Variants in LRRC8D observed in about 807,000 individuals in gnomAD.
LRRC8D encodes the protein leucine rich repeat containing 8 VRAC subunit D.
In LRRC8D, 20 loss-of-function variants were observed where a neutral mutation model predicts 55.8. The observed-to-expected ratio is 0.36, with a 90% confidence interval of 0.25 to 0.52. The LOEUF (loss-of-function observed/expected upper bound fraction) is 0.52, where lower values mean the gene tolerates loss of function less well. Ranked by LOEUF, LRRC8D falls within the 20% of genes least tolerant of loss-of-function variation. The pLI is 0.93. For synonymous variants in LRRC8D, 352 were observed against 377.0 expected (o/e 0.93, Z 0.77); for missense variants, 651 against 1,030.8 (o/e 0.63, Z 5.05).
intron 2 of LRRC8D, among the ~76,000 whole-genome samples, chr1:89,903,344 G>C (rs922368725): frequency 6.6e-6 from 1 of 152,186 alleles, no homozygotes; most frequent in African/African-American, 2.4e-5. Flanking sequence ...TTTAGAAAAT[G>C]CTTCACCTTT....
At chr1:89,886,092 T>C (rs1363295115) in intron 2 of LRRC8D, among the ~76,000 whole-genome samples, 1 of 152,220 alleles carries the variant, frequency 6.6e-6, no homozygotes, top group Non-Finnish European at 1.5e-5. Flanking sequence ...GGAGAATCTG[T>C]TCCATATTAT....
At chr1:89,823,225 T>C (rs901268936) in intron 1 of LRRC8D, among the ~76,000 whole-genome samples, 1 of 152,212 alleles carries the variant, frequency 6.6e-6, no homozygotes, top group African/African-American at 2.4e-5. Flanking sequence ...TGGAGTAGCA[T>C]ATGATGCAAC....
chr1:89,899,704 G>C (rs890173134), intron 2 of LRRC8D, among the ~76,000 whole-genome samples: 1 of 152,194 alleles, frequency 6.6e-6, no homozygotes, highest in African/African-American at 2.4e-5. Context: ...TTTCAGATTT[G>C]TCTTCTATGT....
intron 2 of LRRC8D, among the ~76,000 whole-genome samples, chr1:89,868,561 T>C (rs1415660628): frequency 6.6e-6 from 1 of 152,134 alleles, no homozygotes; most frequent in Non-Finnish European, 1.5e-5. Context: ...CATCAATTTT[T>C]TACAATAATA....
At chr1:89,851,407 C>A (rs1008215301) in intron 2 of LRRC8D, among the ~76,000 whole-genome samples, 1 of 152,172 alleles carries the variant, frequency 6.6e-6, no homozygotes, top group Non-Finnish European at 1.5e-5. Context: ...TTATTCTTCC[C>A]CGTCTGCAAT....
chr1:89,900,850 A>G (rs1662830873), intron 2 of LRRC8D, among the ~76,000 whole-genome samples: 1 of 152,162 alleles, frequency 6.6e-6, no homozygotes, highest in South Asian at 2.1e-4. Context: ...TTCCTTCACA[A>G]CTGTACCATC....
chr1:89,889,239 G>T (rs1043262914), intron 2 of LRRC8D, among the ~76,000 whole-genome samples: 6 of 152,080 alleles, frequency 3.9e-5, no homozygotes, highest in African/African-American at 1.4e-4. Flanking sequence ...AATTCCAGTT[G>T]GTGGTCATTC....
At chr1:89,896,990 T>A (rs1356274213) in intron 2 of LRRC8D, among the ~76,000 whole-genome samples, 1 of 152,168 alleles carries the variant, frequency 6.6e-6, no homozygotes, top group Non-Finnish European at 1.5e-5. Flanking sequence ...TTTTTGCAGA[T>A]GGGGGTGCTG....
At chr1:89,827,080 G>A (rs1292427511) in intron 1 of LRRC8D, among the ~76,000 whole-genome samples, 1 of 152,168 alleles carries the variant, frequency 6.6e-6, no homozygotes, top group Admixed American at 6.5e-5. Flanking sequence ...GCTGGGCATG[G>A]TGGCTCAGGC....
intron 1 of LRRC8D, among the ~76,000 whole-genome samples, chr1:89,838,730 A>G (rs753654844): frequency 1.2e-4 from 18 of 152,214 alleles, no homozygotes; most frequent in Non-Finnish European, 2.1e-4. Flanking sequence ...TTTGCATACT[A>G]ATTGAAGAAT....
At chr1:89,847,114 AGTTT>A (rs1661301294) in intron 2 of LRRC8D, among the ~76,000 whole-genome samples, 1 of 152,180 alleles carries the variant, frequency 6.6e-6, no homozygotes, top group Admixed American at 6.5e-5. Context: ...GATGCAAGTA[AGTTT>A]ATTTCCTTAT....
chr1:89,865,664 T>C (rs191284421), intron 2 of LRRC8D, among the ~76,000 whole-genome samples: 102 of 152,298 alleles, frequency 6.7e-4, no homozygotes, highest in Middle Eastern at 3.4e-3. Context: ...TCAGAACTTA[T>C]CAGATCGTAA....
intron 1 of LRRC8D, among the ~76,000 whole-genome samples, chr1:89,840,328 G>A (rs1661102538): frequency 6.6e-6 from 1 of 152,228 alleles, no homozygotes. Context: ...GGGAAAGTAT[G>A]AGATGGTGTT....
intron 2 of LRRC8D, among the ~76,000 whole-genome samples, chr1:89,923,572 GA>G (rs1161060132): frequency 6.6e-6 from 1 of 151,502 alleles, no homozygotes; most frequent in East Asian, 1.9e-4. Context: ...CACAGAATTA[GA>G]AAAAAACGAT....
At chr1:89,919,686 T>C (rs1663364459) in intron 2 of LRRC8D, among the ~76,000 whole-genome samples, 1 of 152,252 alleles carries the variant, frequency 6.6e-6, no homozygotes, top group African/African-American at 2.4e-5. Flanking sequence ...GATGACTTTC[T>C]CTGGAGCCTT....
chr1:89,847,013 G>A (rs923264875), intron 2 of LRRC8D, among the ~76,000 whole-genome samples: 1 of 152,096 alleles, frequency 6.6e-6, no homozygotes, highest in African/African-American at 2.4e-5. Context: ...CCAGCTCACA[G>A]TAATCCACTG....
chr1:89,839,510 A>AC (rs1415402330), intron 1 of LRRC8D, among the ~76,000 whole-genome samples: 1 of 151,934 alleles, frequency 6.6e-6, no homozygotes, highest in African/African-American at 2.4e-5. Flanking sequence ...ATGATTTGCG[A>AC]CCCCTTGCTG....
rs74098626 is a variant in LRRC8D at position 89,896,044 on chromosome 1, A to G, written c.-2-37023A>G. On this transcript the variant is annotated intron_variant, in intron 2 of 2. Coordinates refer to ENST00000337338, the MANE Select transcript of LRRC8D (RefSeq NM_001134479.2). ...AATATAATGTAATGTCCACAAATAC[A>G]TTCTCTAATAGACAAGAAATGATAC... Among the ~76,000 whole-genome samples the G allele has an allele frequency of 7.2e-3, 1,103 of 152,390 alleles. 12 individuals are homozygous for G. The highest frequency in any genetic ancestry group is 0.026 in the African/African-American group (1,072 of 41,594).
At chr1:89,824,007 C>T (rs529798524) in intron 1 of LRRC8D, among the ~76,000 whole-genome samples, 3 of 152,098 alleles carry the variant, frequency 2.0e-5, no homozygotes, top group African/African-American at 7.2e-5. Flanking sequence ...ACCAGTGGCT[C>T]TCAGAAGTAG....
Sources: gnomAD v4.1 joint callset for allele counts (sites outside exome capture counted in the v4.1 genomes callset) on GRCh38, gnomAD v4.1.1 for gene constraint, MANE v1.5 for transcripts, NCBI Gene and HGNC (gene_info 2026-07-23, HGNC 2026-07-21) for gene names.